LAMA5: variants seen among roughly 807,000 people sequenced by gnomAD.
The protein encoded by LAMA5 is laminin subunit alpha 5.
LAMA5 carries 260 observed loss-of-function variants against 433.4 expected under a neutral mutation model. The ratio of observed to expected loss-of-function variants is 0.60; its 90% CI spans 0.54 to 0.66. The LOEUF is 0.66. LAMA5 is among the 30% of genes least tolerant of loss of function. The pLI is 0.00. For synonymous variants in LAMA5, 2,620 were observed against 2,226.6 expected, an observed-to-expected ratio of 1.18 and a Z score of -4.97; for missense variants, 5,378 against 5,258.5, an observed-to-expected ratio of 1.02 and a Z score of -0.70.
At chr20:62,318,799 C>A (rs749932683) in intron 52 of LAMA5, 44 bp downstream of exon 52, 1 of 1,599,598 alleles carries the variant, frequency 6.3e-7, no homozygotes, top group Non-Finnish European at 8.5e-7. Flanking sequence ...GCTCCCAGGT[C>A]CCTGCCTCTC....
chr20:62,361,816 A>G (rs923277672), intron 2 of LAMA5, among the ~76,000 whole-genome samples: 2 of 152,312 alleles, frequency 1.3e-5, no homozygotes, highest in African/African-American at 4.8e-5. Flanking sequence ...AGGCAGGCCC[A>G]CCTTGGGGGT....
At chr20:62,316,596 G>A in intron 57 of LAMA5, 75 bp downstream of exon 57, 1 of 1,177,192 alleles carries the variant, frequency 8.5e-7, no homozygotes, top group South Asian at 1.6e-5. Context: ...GTGTGCATGT[G>A]GCTGGGGGCT....
At position 62,352,229 on chromosome 20, in the gene LAMA5, C is replaced by T; in HGVS notation, c.687+13G>A. On this transcript the variant is annotated intron_variant, in intron 4 of 79. Transcript: ENST00000252999. The stretch of plus-strand genomic sequence containing the variant: ...CTCCAGCCCCCGTACCGCCCTGCCC[C>T]TCCCCGGCCCACCTCTCCGTTCTCC... 6.3e-7 allele frequency: 1 copy of T among 1,595,098 alleles called. No homozygotes were observed. Among genetic ancestry groups the T allele is most frequent in the African/African-American group, 1.3e-5 (1 of 74,886 alleles).
Position 62,322,754 on chromosome 20 carries a change from G to A in LAMA5, c.6069C>T (p.Cys2023=), listed in dbSNP as rs199801942. 7.0e-5 allele frequency: 105 copies of A among 1,498,642 alleles called. No homozygotes were observed. The African/African-American group carries it at 1.0e-3, about 15-fold the overall frequency. The allele number at this position is 1,498,642 out of a possible 1,614,324, so 92.8% of individuals were successfully genotyped here. ...NALLPGNCTR[C]DCTPCGTEAC... ...CCTCTGTCCCACATGGGGTACAGTC[G>A]CACCCTGCAGAAGGGGTCCGTGACT... Residue 2023 remains cysteine (C), a synonymous_variant, in exon 46 of 80, where the codon TGC becomes TGT. Transcript: ENST00000252999.
At chr20:62,319,104 ATCCT>A in intron 51 of LAMA5, 91 bp from the exon 52 acceptor site, 2 of 1,363,552 alleles carry the variant, frequency 1.5e-6, no homozygotes, top group Non-Finnish European at 1.9e-6. Context: ...CAGCCCTGCC[ATCCT>A]TGGCAGGCCA....
At chr20:62,347,368 TA>T (rs1227330181) in intron 6 of LAMA5, among the ~76,000 whole-genome samples, 1 of 152,102 alleles carries the variant, frequency 6.6e-6, no homozygotes, top group African/African-American at 2.4e-5. Context: ...CAGGGGTCAG[TA>T]GAGTCCCCCT....
Position 62,336,758 on chromosome 20 carries a change from G to C in LAMA5, c.2193C>G (p.Ala731=). ...EAGSCHPAGL[A]PVDPALPEAQ... ...CCTCAGGAAGGGCAGGATCCACTGG[G>C]GCCAGACCGGCAGGGTGGCAAGAGC... Residue 731 remains alanine (A), a synonymous_variant, in exon 17 of 80, where the codon GCC becomes GCG. Coordinates refer to ENST00000252999, the MANE Select transcript of LAMA5 (RefSeq NM_005560.6). 1.9e-6 allele frequency: 3 copies of C among 1,613,056 alleles called. No homozygotes were observed. The highest frequency in any genetic ancestry group is 2.2e-5 in the East Asian group (1 of 44,882).
At position 62,327,596 on chromosome 20, in the gene LAMA5, C is replaced by G. The variant is rs1979531492; in HGVS notation, c.4871G>C (p.Gly1624Ala). The change falls in exon 37 of 80, where the codon GGT (glycine) becomes GCT (alanine). Residue 1624 changes from glycine to alanine, a missense_variant. By Grantham distance (60) the Gly-to-Ala change is moderately conservative (BLOSUM62 0). Transcript: ENST00000252999. ...TFSLDAANPK[G>A]CTRCFCFGAT... ...CCCAAAGCAGAAGCAGCGGGTGCAA[C>G]CTTTGGGGTTGGCAGCATCCAGTGA... is the stretch of plus-strand genomic sequence containing the variant. 10 of 1,612,894 alleles carry G rather than the reference C, an allele frequency of 6.2e-6. No homozygotes were observed. The highest frequency in any genetic ancestry group is 8.5e-6 in the Non-Finnish European group (10 of 1,180,018).
chr20:62,362,995 G>A (rs891608374), intron 1 of LAMA5, among the ~76,000 whole-genome samples: 5 of 152,150 alleles, frequency 3.3e-5, no homozygotes, highest in African/African-American at 4.8e-5. Context: ...GAAGGGGCAG[G>A]AGTAAGGCAA....
At position 62,318,329 on chromosome 20, in the gene LAMA5, C is replaced by CGGGG. The variant is rs1224427632; in HGVS notation, c.7239+124_7239+125insCCCC. 2.7e-4 allele frequency: 77 copies of CGGGG among 286,480 alleles called. 2 individuals are homozygous for CGGGG. Among genetic ancestry groups the CGGGG allele is most frequent in the Middle Eastern group, 8.9e-4 (1 of 1,120 alleles). 17.7% of individuals were successfully genotyped at this position (286,480 alleles called of 1,614,324 possible). On this transcript the variant is annotated intron_variant, in intron 53 of 79. Transcript: ENST00000252999. The stretch of plus-strand genomic sequence containing the variant: ...GAAGAAGAGGAGGAGGGGGGGAGGA[C>CGGGG]GAGGGAGGGGAGGACGGAGGGAGGG...
rs151180846 is a variant in LAMA5, at chr20:62,322,127, G to C, written c.6388C>G (p.Arg2130Gly). 23 of 1,602,878 alleles carry C rather than the reference G, an allele frequency of 1.4e-5. No individual in the cohort carries two copies. Among genetic ancestry groups the C allele is most frequent in the Non-Finnish European group, 1.9e-5 (22 of 1,178,280 alleles). Reference sequence around the variant, plus strand: ...CTGAGCCCCGGGGGGCAGTTGCAGCGGCCCGTGTGAGGGTCACAGCGGCCC... The same window carrying C: ...CTGAGCCCCGGGGGGCAGTTGCAGCCGCCCGTGTGAGGGTCACAGCGGCCC... ...PGGRCDPHTG[R>G]CNCPPGLSGE... Residue 2130 changes from arginine to glycine, a missense_variant, in exon 48 of 80, where the codon CGC becomes GGC. Coordinates refer to ENST00000252999, the MANE Select transcript of LAMA5 (RefSeq NM_005560.6).
intron 63 of LAMA5, 83 bp downstream of exon 63, chr20:62,313,566 A>T (rs1172724658): frequency 6.3e-7 from 1 of 1,576,858 alleles, no homozygotes; most frequent in African/African-American, 1.4e-5. Flanking sequence ...GCAAGATACC[A>T]AAAGAACCCG....
At position 62,309,458 on chromosome 20, in the gene LAMA5, G is replaced by A. The variant is rs1476146424; in HGVS notation, c.10966C>T (p.Pro3656Ser). Residue 3656 changes from proline to serine, a missense_variant, in exon 80 of 80, where the codon CCC becomes TCC. Pro to Ser is a moderately conservative substitution (Grantham distance 74, BLOSUM62 -1). Coordinates refer to ENST00000252999, the MANE Select transcript of LAMA5 (RefSeq NM_005560.6). ...CAGCCGCAGTAGGCGGGGGGCCAGG[G>A]CTGCACGGCCATGGGCTCTGGGGGC... ...GGLPEPMAVQPWPPAYCGCMR... is the reference protein window; with the variant it reads ...GGLPEPMAVQSWPPAYCGCMR... 12 of 1,583,016 alleles carry A rather than the reference G, an allele frequency of 7.6e-6. No individual in the cohort carries two copies. The highest frequency in any genetic ancestry group is 1.0e-5 in the Non-Finnish European group (12 of 1,174,280).
Position 62,333,600 on chromosome 20 carries a change from G to T in LAMA5, c.2985C>A (p.Thr995=). The T allele has an allele frequency of 6.4e-7, 1 of 1,573,164 alleles. No homozygotes were observed. The highest frequency in any genetic ancestry group is 8.6e-7 in the Non-Finnish European group (1 of 1,159,686). The change falls in exon 24 of 80, where the codon ACC becomes ACA. Residue 995 remains threonine (T), a synonymous_variant. Coordinates refer to ENST00000252999, the MANE Select transcript of LAMA5 (RefSeq NM_005560.6). Reference sequence around the variant, plus strand: ...CTTCGGCCTCCACACGCAGGGCCCAGGTGCCAGGGTTCAGCACAAAGGGCT... The same window carrying T: ...CTTCGGCCTCCACACGCAGGGCCCATGTGCCAGGGTTCAGCACAAAGGGCT... ...FGEPFVLNPG[T]WALRVEAEGV...
In LAMA5 at chr20:62,311,525, G is replaced by A. The variant is rs781433673; in HGVS notation, c.9818C>T (p.Pro3273Leu). The stretch of plus-strand genomic sequence containing the variant: ...CTGCTGCAGATCAAATACGCGCTGT[G>A]GGCCCAGGAGCCTGTGCAGGGCGGG... Reference protein sequence around the residue: ...SNVFVQRLLGPQRVFDLQQNL... With the variant: ...SNVFVQRLLGLQRVFDLQQNL... Residue 3273 changes from proline to leucine, a missense_variant, in exon 72 of 80, where the codon CCA (proline) becomes CTA (leucine). Transcript: ENST00000252999. 10 of 1,609,748 alleles carry A rather than the reference G, an allele frequency of 6.2e-6. No individual in the cohort carries two copies. The highest frequency in any genetic ancestry group is 8.5e-6 in the Non-Finnish European group (10 of 1,178,052).
At chr20:62,352,220 G>A (rs371515726) in intron 4 of LAMA5, 22 bp downstream of exon 4, 18 of 1,569,078 alleles carry the variant, frequency 1.1e-5, no homozygotes, top group East Asian at 2.2e-5. Flanking sequence ...CCCCCGTACC[G>A]CCCTGCCCCT....
chr20:62,317,717 C>T lies in LAMA5; in HGVS notation c.7301G>A (p.Arg2434Lys), dbSNP rs766829776. 1 of 1,606,904 alleles carries T rather than the reference C, an allele frequency of 6.2e-7. No individual in the cohort carries two copies. Among genetic ancestry groups the T allele is most frequent in the South Asian group, 1.1e-5 (1 of 90,106 alleles). ...ATLQATLHAA[R>K]DTLASVFRLL... ...TCTGAAGACGCTGGCCAGGGTGTCC[C>T]TAGCCGCATGCAGAGTGGCCTGCAG... Residue 2434 changes from arginine to lysine, a missense_variant, in exon 54 of 80, where the codon AGG (arginine) becomes AAG (lysine). By Grantham distance (26) the Arg-to-Lys change is conservative (BLOSUM62 2). Transcript: ENST00000252999.
At chr20:62,354,825 C>T (rs888509772) in intron 2 of LAMA5, among the ~76,000 whole-genome samples, 3 of 152,144 alleles carry the variant, frequency 2.0e-5, no homozygotes, top group African/African-American at 7.2e-5. Context: ...CTGGAGGCTC[C>T]AAGGGAGGGT....
At position 62,321,897 on chromosome 20, in the gene LAMA5, G is replaced by A. The variant is rs146530995; in HGVS notation, c.6496+122C>T. ...GGAGTTGGACAGGCATGGGTCTCTC[G>A]GGAAATGGAAGGCAGCTGGGACCAC... On this transcript the variant is annotated intron_variant, in intron 48 of 79. Coordinates refer to ENST00000252999, the MANE Select transcript of LAMA5 (RefSeq NM_005560.6). 426 of 975,520 alleles carry A rather than the reference G, an allele frequency of 4.4e-4. 5 individuals carry two copies. The East Asian group carries it at 9.4e-3, about 21-fold the overall frequency. The allele number at this position is 975,520 out of a possible 1,614,324, so 60.4% of individuals were successfully genotyped here.
Sources: allele counts gnomAD v4.1 joint callset (sites outside exome capture counted in the v4.1 genomes callset), GRCh38; gene constraint gnomAD v4.1.1; transcripts MANE v1.5; gene names NCBI Gene and HGNC (gene_info 2026-07-23, HGNC 2026-07-21).